PCDHA12: variants seen among roughly 807,000 people sequenced by gnomAD.
PCDHA12 encodes protocadherin alpha-12.
Under a neutral mutation model 60.0 loss-of-function variants are expected in PCDHA12, and 44 were observed. That is an observed-to-expected ratio of 0.73 (90% CI 0.58 to 0.94). The LOEUF (loss-of-function observed/expected upper bound fraction) is 0.94, where lower values mean the gene tolerates loss of function less well. Ranked by LOEUF, PCDHA12 falls within the 40% of genes least tolerant of loss-of-function variation. The pLI, the probability that PCDHA12 is intolerant of heterozygous loss-of-function variation, is 0.00. For synonymous variants in PCDHA12, 569 were observed against 553.0 expected, an observed-to-expected ratio of 1.03 and a Z score of -0.40; for missense variants, 1,276 against 1,239.7, an observed-to-expected ratio of 1.03 and a Z score of -0.44.
intron 1 of PCDHA12, among the ~76,000 whole-genome samples, chr5:140,938,344 G>A (rs569264531): frequency 6.6e-6 from 1 of 152,264 alleles, no homozygotes; most frequent in Non-Finnish European, 1.5e-5. Context: ...GGATAATCTT[G>A]TCTTATTCCT....
At chr5:140,890,276 TC>T (rs1173106367) in intron 1 of PCDHA12, among the ~76,000 whole-genome samples, 2 of 152,136 alleles carry the variant, frequency 1.3e-5, no homozygotes, top group Non-Finnish European at 2.9e-5. Context: ...CAAGAACCAC[TC>T]AGTTGAGTCA....
intron 1 of PCDHA12, among the ~76,000 whole-genome samples, chr5:140,903,632 C>T (rs1554191062): frequency 6.6e-6 from 1 of 152,134 alleles, no homozygotes. Context: ...CATATGTATG[C>T]ATATACCATA....
In PCDHA12 at chr5:140,877,117, G is replaced by A. The variant is rs781979355; in HGVS notation, c.1645G>A (p.Val549Met). The A allele has an allele frequency of 9.3e-6, 15 of 1,613,720 alleles. No homozygotes were observed. The East Asian group carries it at 1.8e-4, about 19-fold the overall frequency. ...CGGCGTGCCGCCTCTGGGCAGCAAC[G>A]TGACGCTGCAGGTGTTCGTGCTGGA... ...DAGVPPLGSNVTLQVFVLDEN... is the reference protein window; with the variant it reads ...DAGVPPLGSNMTLQVFVLDEN... Residue 549 changes from valine (V) to methionine (M), a missense_variant, in exon 1 of 4, where the codon GTG becomes ATG. Coordinates refer to ENST00000398631, the MANE Select transcript of PCDHA12 (RefSeq NM_018903.4).
chr5:140,928,168 A>T, intron 1 of PCDHA12: 3 of 1,614,174 alleles, frequency 1.9e-6, no homozygotes, highest in Non-Finnish European at 2.5e-6. Flanking sequence ...ACCCCCACTT[A>T]GCACCCGAAG....
chr5:140,985,941 G>T (rs553776294), intron 3 of PCDHA12, among the ~76,000 whole-genome samples: 2 of 151,978 alleles, frequency 1.3e-5, no homozygotes, highest in South Asian at 4.1e-4. Flanking sequence ...GGGTTTCACT[G>T]TGTTAGCCAG....
At chr5:140,883,623 C>T (rs782045250) in intron 1 of PCDHA12, 3 of 1,613,988 alleles carry the variant, frequency 1.9e-6, no homozygotes, top group East Asian at 4.5e-5. Context: ...AACGACAACG[C>T]GCCGGCGTTC....
At position 140,886,849 on chromosome 5, in the gene PCDHA12, A is replaced by G. The variant is rs541841964; in HGVS notation, c.2367+9010A>G. ...CTTGAAAAAAAAAAAAAAAAAAAAG[A>G]AAGGTCTTCCCAACTCCTATATTGA... On this transcript the variant is annotated intron_variant, in intron 1 of 3. Coordinates refer to ENST00000398631, the MANE Select transcript of PCDHA12 (RefSeq NM_018903.4). Among the ~76,000 whole-genome samples, 4 of 150,006 alleles carry G rather than the reference A, an allele frequency of 2.7e-5. No homozygotes were observed. The East Asian group carries it at 7.8e-4, about 29-fold the overall frequency.
Position 140,877,591 on chromosome 5 carries a change from G to GT in PCDHA12, c.2120dup (p.Ser708ValfsTer82). 1 of 1,613,852 alleles carries GT rather than the reference G, an allele frequency of 6.2e-7. No individual in the cohort carries two copies. The highest frequency in any genetic ancestry group is 8.5e-7 in the Non-Finnish European group (1 of 1,179,908). ...GTACCTCATCATCGCCATCTGTGCG[G>GT]TGTCCAGCCTGCTGGTGCTCACGCT... On this transcript the variant is annotated frameshift_variant, in exon 1 of 4. Coordinates refer to ENST00000398631, the MANE Select transcript of PCDHA12 (RefSeq NM_018903.4). LOFTEE classifies it high-confidence loss of function.
chr5:140,936,944 T>A (rs900789474), intron 1 of PCDHA12, among the ~76,000 whole-genome samples: 3 of 152,226 alleles, frequency 2.0e-5, no homozygotes, highest in African/African-American at 7.2e-5. Flanking sequence ...AATATCTTAT[T>A]TTGATCTTTA....
intron 1 of PCDHA12, among the ~76,000 whole-genome samples, chr5:140,932,861 G>A (rs1554209099): frequency 6.6e-6 from 1 of 151,858 alleles, no homozygotes; most frequent in Non-Finnish European, 1.5e-5. Flanking sequence ...ATGACTTATT[G>A]TCTTTTGTTG....
At chr5:140,929,250 G>A (rs995042103) in intron 1 of PCDHA12, 2 of 1,613,420 alleles carry the variant, frequency 1.2e-6, no homozygotes, top group Admixed American at 1.7e-5. Flanking sequence ...TTGCCACTGG[G>A]GTAGGACTGA....
chr5:140,885,430 A>T (rs1216159578), intron 1 of PCDHA12, among the ~76,000 whole-genome samples: 2 of 152,132 alleles, frequency 1.3e-5, no homozygotes, highest in African/African-American at 4.8e-5. Context: ...CCACAGTGTA[A>T]GTGTGCAATT....
chr5:140,881,121 C>G (rs1456322924), intron 1 of PCDHA12, among the ~76,000 whole-genome samples: 4 of 152,122 alleles, frequency 2.6e-5, no homozygotes, highest in Non-Finnish European at 4.4e-5. Flanking sequence ...GATTTTGTGG[C>G]TTGGTAGAGA....
In PCDHA12 at chr5:140,883,728, A is replaced by G. The variant is rs781971725; in HGVS notation, c.2367+5889A>G. 2 of 1,613,392 alleles carry G rather than the reference A, an allele frequency of 1.2e-6. No homozygotes were observed. The highest frequency in any genetic ancestry group is 2.7e-5 in the African/African-American group (2 of 74,914). On this transcript the variant is annotated intron_variant, in intron 1 of 3. Transcript: ENST00000398631. ...GCTCAGGACGCGGACGCACAGGAGA[A>G]CGCGCTGGTCTCCTACTCGCTGGTG...
In PCDHA12 at chr5:141,010,806, C is replaced by T. The variant is rs1404036886; in HGVS notation, c.*869C>T. ...GCAAAAGCAAAAGAAAACCCCGACA[C>T]CTCACCTTTCGCTGTTTGTTGTTTC... On this transcript the variant is annotated 3_prime_UTR_variant, in exon 4 of 4. Transcript: ENST00000398631. 2 of 153,736 alleles carry T rather than the reference C, an allele frequency of 1.3e-5. No individual in the cohort carries two copies. Among genetic ancestry groups the T allele is most frequent in the Non-Finnish European group, 1.5e-5 (1 of 68,048 alleles). 9.5% of individuals were successfully genotyped at this position (153,736 alleles called of 1,614,324 possible).
At chr5:141,008,512 C>A (rs1006553111) in intron 3 of PCDHA12, among the ~76,000 whole-genome samples, 2 of 152,094 alleles carry the variant, frequency 1.3e-5, no homozygotes, top group Non-Finnish European at 2.9e-5. Context: ...GGTGTGTCTT[C>A]CAATCAGACT....
chr5:140,957,438 A>T (rs1554222966), intron 1 of PCDHA12, among the ~76,000 whole-genome samples: 1 of 152,216 alleles, frequency 6.6e-6, no homozygotes, highest in Non-Finnish European at 1.5e-5. Context: ...TGCCTAATTT[A>T]TAAATCACAC....
intron 1 of PCDHA12, among the ~76,000 whole-genome samples, chr5:140,885,102 G>A (rs2060467065): frequency 6.6e-6 from 1 of 151,970 alleles, no homozygotes; most frequent in Non-Finnish European, 1.5e-5. Flanking sequence ...TCACATAAAT[G>A]CTTTTTTTAA....
chr5:140,924,597 G>A lies in PCDHA12; in HGVS notation c.2367+46758G>A, dbSNP rs1278228526. ...ATGTTTTCAAATATTATAGAAATATGCAGGCTGATGCCAGGTGCGGTGGCA... is the reference window on the plus strand; with the variant it reads ...ATGTTTTCAAATATTATAGAAATATACAGGCTGATGCCAGGTGCGGTGGCA... On this transcript the variant is annotated intron_variant, in intron 1 of 3. Coordinates refer to ENST00000398631, the MANE Select transcript of PCDHA12 (RefSeq NM_018903.4). Among the ~76,000 whole-genome samples the A allele has an allele frequency of 2.6e-5, 4 of 152,078 alleles. No homozygotes were observed. The East Asian group carries it at 7.7e-4, about 29-fold the overall frequency.
Sources: gnomAD v4.1 joint callset for allele counts (sites outside exome capture counted in the v4.1 genomes callset) on GRCh38, gnomAD v4.1.1 for gene constraint, MANE v1.5 for transcripts, NCBI Gene and HGNC (gene_info 2026-07-23, HGNC 2026-07-21) for gene names.